Variants in MYO16 observed in about 807,000 individuals in gnomAD.
The protein encoded by MYO16 is unconventional myosin-XVI.
MYO16 carries 94 observed loss-of-function variants against 205.3 expected under a neutral mutation model. The ratio of observed to expected loss-of-function variants is 0.46; its 90% CI spans 0.39 to 0.54. The LOEUF is 0.54. Ranked by LOEUF, MYO16 falls within the 20% of genes least tolerant of loss-of-function variation. The pLI, the probability that MYO16 is intolerant of heterozygous loss-of-function variation, is 0.00. For missense variants in MYO16, 2,315 were observed against 2,387.5 expected (o/e 0.97, Z 0.63); for synonymous variants, 988 against 954.0 (o/e 1.04, Z -0.66).
chr13:108,607,068 T>C (rs1055757510), intron 1 of MYO16, among the ~76,000 whole-genome samples: 4 of 152,212 alleles, frequency 2.6e-5, no homozygotes, highest in African/African-American at 7.2e-5. Context: ...CTGGTGTACT[T>C]ACCCAATGCC....
chr13:108,832,286 G>A (rs1176409436), intron 9 of MYO16, among the ~76,000 whole-genome samples: 1 of 151,736 alleles, frequency 6.6e-6, no homozygotes, highest in Middle Eastern at 3.2e-3. Context: ...GGGATTATAG[G>A]TGTGCACCAC....
intron 29 of MYO16, among the ~76,000 whole-genome samples, chr13:109,124,311 G>A (rs571975555): frequency 6.6e-6 from 1 of 152,218 alleles, no homozygotes; most frequent in African/African-American, 2.4e-5. Context: ...TAAGCTTGGG[G>A]ACATATGAGC....
At chr13:108,778,958 G>T (rs761296448) in intron 4 of MYO16, among the ~76,000 whole-genome samples, 13 of 152,156 alleles carry the variant, frequency 8.5e-5, no homozygotes, top group Admixed American at 7.2e-4. Flanking sequence ...CACTGCACTC[G>T]TGGGGGGATG....
intron 20 of MYO16, among the ~76,000 whole-genome samples, chr13:108,969,377 A>G (rs987866586): frequency 6.6e-5 from 10 of 152,222 alleles, no homozygotes; most frequent in Admixed American, 1.3e-4. Flanking sequence ...CGAAGGTATT[A>G]ACAAAGTCCT....
intron 2 of MYO16, among the ~76,000 whole-genome samples, chr13:108,688,477 G>A (rs139343763): frequency 5.3e-5 from 8 of 151,916 alleles, no homozygotes; most frequent in East Asian, 1.9e-4. Context: ...AATTTCACCC[G>A]CTATTATCGC....
At chr13:108,535,331 A>G in the MYO16 span, among the ~76,000 whole-genome samples, 2 of 152,232 alleles carry the variant, frequency 1.3e-5, no homozygotes, top group South Asian at 2.1e-4. Flanking sequence ...AATAATATAG[A>G]TGCTTATTTT....
intron 6 of MYO16, among the ~76,000 whole-genome samples, chr13:108,801,548 T>A (rs1437173475): frequency 2.6e-5 from 4 of 152,222 alleles, no homozygotes; most frequent in African/African-American, 9.7e-5. Flanking sequence ...AATTAGGAAT[T>A]AGCCCAGTCA....
chr13:109,096,160 T>C (rs1049841626), intron 27 of MYO16, among the ~76,000 whole-genome samples: 1 of 152,048 alleles, frequency 6.6e-6, no homozygotes, highest in Non-Finnish European at 1.5e-5. Flanking sequence ...GCTCTGGAAG[T>C]GAGAAGTTCA....
chr13:108,712,054 C>T (rs1883744010), intron 2 of MYO16, among the ~76,000 whole-genome samples: 4 of 152,112 alleles, frequency 2.6e-5, no homozygotes, highest in Admixed American at 2.6e-4. Context: ...AATGAATTCA[C>T]CTTTGCTGTT....
intron 1 of MYO16, chr13:108,659,417 A>G (rs1881398312): frequency 2.4e-6 from 1 of 419,434 alleles, no homozygotes; most frequent in Non-Finnish European, 4.7e-6. Context: ...GTTTAGTCCT[A>G]CAGAGGTACG....
intron 2 of MYO16, among the ~76,000 whole-genome samples, chr13:108,688,648 A>C (rs1882775009): frequency 6.6e-6 from 1 of 152,110 alleles, no homozygotes. Context: ...AGTAGGCGTT[A>C]ATTTAGGCAG....
intron 31 of MYO16, among the ~76,000 whole-genome samples, chr13:109,132,475 A>G (rs1317283811): frequency 6.6e-6 from 1 of 152,168 alleles, no homozygotes; most frequent in Admixed American, 6.5e-5. Flanking sequence ...TCTTCATTCT[A>G]GAACAACATG....
chr13:108,555,611 C>G, the MYO16 span, among the ~76,000 whole-genome samples: 1 of 152,128 alleles, frequency 6.6e-6, no homozygotes, highest in African/African-American at 2.4e-5. Context: ...AACACTAAGT[C>G]TACTGTCTTA....
intron 20 of MYO16, among the ~76,000 whole-genome samples, chr13:108,973,746 C>T (rs919346048): frequency 2.0e-5 from 3 of 152,140 alleles, no homozygotes; most frequent in African/African-American, 7.2e-5. Context: ...TAGCATCTGA[C>T]AGCACTTAAG....
intron 17 of MYO16, among the ~76,000 whole-genome samples, chr13:108,961,133 G>A (rs916518122): frequency 2.0e-5 from 3 of 152,156 alleles, no homozygotes; most frequent in South Asian, 4.1e-4. Context: ...CACAGCAACT[G>A]CAAAGTCTAA....
intron 4 of MYO16, among the ~76,000 whole-genome samples, chr13:108,767,247 C>T (rs1235158553): frequency 7.9e-5 from 12 of 152,000 alleles, no homozygotes; most frequent in African/African-American, 2.7e-4. Context: ...GGACTACAGG[C>T]GCCCGCCACC....
At chr13:108,644,786 TC>T (rs1880679141) in intron 1 of MYO16, among the ~76,000 whole-genome samples, 6 of 152,206 alleles carry the variant, frequency 3.9e-5, no homozygotes, top group Admixed American at 3.3e-4. Context: ...AAATCTGTGT[TC>T]AACCCTCACA....
intron 23 of MYO16, among the ~76,000 whole-genome samples, chr13:109,025,021 AT>A (rs1465827989): frequency 2.6e-5 from 4 of 152,328 alleles, no homozygotes; most frequent in African/African-American, 9.6e-5. Context: ...ACATTGCTAA[AT>A]AGCTCTATGA....
At chr13:108,537,407 G>A in the MYO16 span, among the ~76,000 whole-genome samples, 5 of 152,104 alleles carry the variant, frequency 3.3e-5, no homozygotes, top group Non-Finnish European at 5.9e-5. Flanking sequence ...TCAGTTGATG[G>A]ACACTTAGGT....
Sources: allele counts gnomAD v4.1 joint callset (sites outside exome capture counted in the v4.1 genomes callset), GRCh38; gene constraint gnomAD v4.1.1; transcripts MANE v1.5; gene names NCBI Gene and HGNC (gene_info 2026-07-23, HGNC 2026-07-21).